Variants in RARB observed in about 807,000 individuals in gnomAD.
RARB encodes the protein HBV-activated protein.
RARB carries 17 observed loss-of-function variants against 51.9 expected under a neutral mutation model. The ratio of observed to expected loss-of-function variants is 0.33; its 90% CI spans 0.22 to 0.49. The LOEUF (loss-of-function observed/expected upper bound fraction) is 0.49. Among genes scored for constraint, RARB ranks in the 20% least tolerant of loss-of-function variants. The pLI is 0.99. For synonymous variants in RARB, 215 were observed against 195.4 expected (o/e 1.10, Z -0.84); for missense variants, 369 against 550.8 (o/e 0.67, Z 3.30).
rs1310126169 is a variant in RARB, at chr3:25,544,637, G to A, written c.449-25121G>A. ...TGCTCATCTGGAATTTGGGAAACAG[G>A]CAGACTTGTCTGGCTCATTTGACAT... On this transcript the variant is annotated intron_variant, in intron 3 of 7. Coordinates refer to ENST00000330688, the MANE Select transcript of RARB (RefSeq NM_000965.5). Among the ~76,000 whole-genome samples, 6 of 152,132 alleles carry A rather than the reference G, an allele frequency of 3.9e-5. No homozygotes were observed. In the South Asian group the frequency reaches 8.3e-4, roughly 21 times the overall value.
chr3:25,274,860 C>G (rs902128902), intron 5 of RARB, among the ~76,000 whole-genome samples: 1 of 152,054 alleles, frequency 6.6e-6, no homozygotes, highest in Non-Finnish European at 1.5e-5. Flanking sequence ...ACATTTCTAC[C>G]CATGTTCCTT....
rs949775591 is a variant in RARB at position 24,925,657 on chromosome 3, A to T, written c.-380+66905A>T. Among the ~76,000 whole-genome samples, 609 of 143,756 alleles carry T rather than the reference A, an allele frequency of 4.2e-3. 2 individuals are homozygous for T. Among genetic ancestry groups the T allele is most frequent in the African/African-American group, 0.015 (571 of 38,902 alleles). The allele number at this position is 143,756 out of a possible 152,430, so 94.3% of individuals were successfully genotyped here. A position where few individuals can be genotyped will look rare whatever the true frequency, so the allele number is the denominator to read the frequency against. On this transcript the variant is annotated intron_variant, in intron 2 of 11. Coordinates refer to the RARB transcript ENST00000383772. Reference sequence around the variant, plus strand: ...CCAGATCCTGTCTTTTTTTTTTTTAAAAAAAAAAAAAAAAAAGCTTATATT... The same window carrying T: ...CCAGATCCTGTCTTTTTTTTTTTTATAAAAAAAAAAAAAAAAGCTTATATT...
intron 2 of RARB, among the ~76,000 whole-genome samples, chr3:25,484,446 G>C (rs550339666): frequency 6.6e-6 from 1 of 151,870 alleles, no homozygotes; most frequent in Non-Finnish European, 1.5e-5. Flanking sequence ...CTCCAACCTC[G>C]CTGATTACTA....
At chr3:25,004,977 T>G (rs4561795) in intron 2 of RARB, among the ~76,000 whole-genome samples, 28,334 of 152,068 alleles carry the variant, frequency 0.19, 3,326 homozygotes, top group East Asian at 0.41. Context: ...AGTTTCGTTT[T>G]GCTAGTCTTG....
At chr3:25,477,590 C>T (rs1402720369) in intron 2 of RARB, among the ~76,000 whole-genome samples, 2 of 152,180 alleles carry the variant, frequency 1.3e-5, no homozygotes, top group Non-Finnish European at 2.9e-5. Flanking sequence ...TGAGGATGTA[C>T]ATATGCAACA....
intron 2 of RARB, among the ~76,000 whole-genome samples, chr3:24,904,127 T>C (rs1694795116): frequency 6.6e-6 from 1 of 152,232 alleles, no homozygotes; most frequent in South Asian, 2.1e-4. Flanking sequence ...TCATTCTGGC[T>C]CTCACTCACC....
chr3:25,377,636 C>G (rs1244937642), intron 5 of RARB, among the ~76,000 whole-genome samples: 2 of 152,010 alleles, frequency 1.3e-5, no homozygotes, highest in Non-Finnish European at 2.9e-5. Flanking sequence ...TTTATATAAG[C>G]ATTTAGTTGG....
intron 4 of RARB, among the ~76,000 whole-genome samples, chr3:25,575,654 G>A (rs1424607523): frequency 2.0e-5 from 3 of 152,052 alleles, no homozygotes; most frequent in Non-Finnish European, 4.4e-5. Flanking sequence ...TTCTCTCTAT[G>A]CATGTCAACC....
chr3:24,946,178 T>C (rs1031175833), intron 2 of RARB, among the ~76,000 whole-genome samples: 1 of 147,824 alleles, frequency 6.8e-6, no homozygotes, highest in African/African-American at 2.5e-5. Flanking sequence ...GGAAGGAGAA[T>C]GGCGTGAACC....
intron 2 of RARB, among the ~76,000 whole-genome samples, chr3:25,047,587 G>C (rs898326386): frequency 6.6e-6 from 1 of 152,230 alleles, no homozygotes; most frequent in Non-Finnish European, 1.5e-5. Context: ...ATGAAGGGCA[G>C]TAGCATATTT....
intron 5 of RARB, among the ~76,000 whole-genome samples, chr3:25,399,097 A>C (rs1160554946): frequency 6.6e-6 from 1 of 152,130 alleles, no homozygotes; most frequent in Non-Finnish European, 1.5e-5. Context: ...GATTGTTTAC[A>C]GATAGGAAGA....
intron 6 of RARB, 101 bp from the exon 7 acceptor site, chr3:25,594,419 A>T: frequency 1.6e-6 from 2 of 1,244,974 alleles, no homozygotes; most frequent in Non-Finnish European, 2.2e-6. Context: ...TAATTGAATT[A>T]CCAAATTAAT....
intron 2 of RARB, among the ~76,000 whole-genome samples, chr3:25,046,491 T>C (rs1171150876): frequency 6.6e-6 from 1 of 152,178 alleles, no homozygotes; most frequent in Non-Finnish European, 1.5e-5. Flanking sequence ...TCTCACTCTG[T>C]CACCCAGGCT....
intron 2 of RARB, among the ~76,000 whole-genome samples, chr3:24,884,057 G>T (rs548583905): frequency 7.9e-5 from 12 of 152,122 alleles, no homozygotes; most frequent in Non-Finnish European, 7.4e-5. Context: ...ATTTTGTTGT[G>T]TTTAATGCAA....
chr3:25,225,842 A>G (rs1009011188), intron 5 of RARB, among the ~76,000 whole-genome samples: 2 of 152,192 alleles, frequency 1.3e-5, no homozygotes, highest in African/African-American at 2.4e-5. Flanking sequence ...ACCTTAAAAA[A>G]GGGAAGTTAG....
intron 2 of RARB, among the ~76,000 whole-genome samples, chr3:24,918,716 C>A (rs1156640127): frequency 3.3e-5 from 5 of 152,056 alleles, no homozygotes; most frequent in African/African-American, 1.2e-4. Flanking sequence ...CATGGTGAAA[C>A]CCTGTCTCTA....
At chr3:25,201,760 C>T (rs1701396322) in intron 5 of RARB, among the ~76,000 whole-genome samples, 1 of 152,168 alleles carries the variant, frequency 6.6e-6, no homozygotes, top group Non-Finnish European at 1.5e-5. Flanking sequence ...TTGAACCAGC[C>T]TTGCATCCCA....
chr3:25,093,041 A>G (rs960156465), intron 3 of RARB, among the ~76,000 whole-genome samples: 4 of 152,316 alleles, frequency 2.6e-5, no homozygotes, highest in South Asian at 2.1e-4. Flanking sequence ...GTTGCTTACA[A>G]TGATACTGAC....
chr3:25,021,753 T>C (rs1697643826), intron 2 of RARB, among the ~76,000 whole-genome samples: 1 of 152,130 alleles, frequency 6.6e-6, no homozygotes, highest in African/African-American at 2.4e-5. Flanking sequence ...AATGTTGTAC[T>C]GAGTGCCAAA....
Sources: gnomAD v4.1 joint callset for allele counts (sites outside exome capture counted in the v4.1 genomes callset) on GRCh38, gnomAD v4.1.1 for gene constraint, MANE v1.5 for transcripts, NCBI Gene and HGNC (gene_info 2026-07-23, HGNC 2026-07-21) for gene names.